Variants in TASOR observed in about 807,000 individuals in gnomAD.
TASOR encodes the protein protein TASOR.
A neutral mutation model predicts 178.6 loss-of-function variants in TASOR; 53 were observed. The ratio of observed to expected loss-of-function variants is 0.30; its 90% CI spans 0.24 to 0.37. The LOEUF (loss-of-function observed/expected upper bound fraction) is 0.37, where lower values mean the gene tolerates loss of function less well. TASOR is among the 10% of genes least tolerant of loss of function. The pLI is 1.00. For missense variants in TASOR, 1,815 were observed against 1,971.4 expected, an observed-to-expected ratio of 0.92 and a Z score of 1.50; for synonymous variants, 713 against 696.2, an observed-to-expected ratio of 1.02 and a Z score of -0.38.
chr3:56,670,517 A>T (rs2030568916), intron 3 of TASOR, among the ~76,000 whole-genome samples: 1 of 151,952 alleles, frequency 6.6e-6, no homozygotes, highest in Non-Finnish European at 1.5e-5. Context: ...CTTTTCAATC[A>T]TTTTTCTTCA....
In TASOR at chr3:56,627,679, C is replaced by T; in HGVS notation, c.3933G>A (p.Leu1311=). 1.9e-6 allele frequency: 3 copies of T among 1,614,058 alleles called. No individual in the cohort carries two copies. The highest frequency in any genetic ancestry group is 2.5e-6 in the Non-Finnish European group (3 of 1,179,976). The change falls in exon 20 of 24, where the codon CTG becomes CTA. Residue 1311 remains leucine, a synonymous_variant. Transcript: ENST00000683822. ...PCVSFAGVDS[L]DDVKNHTYNE... is the part of the protein sequence containing the mutation. ...TGTATGTATGATTTTTAACATCATC[C>T]AGGCTATCAACACCAGCAAAACTAA... is the stretch of plus-strand genomic sequence containing the variant.
In TASOR at chr3:56,624,499, T is replaced by C. The variant is rs1043835546; in HGVS notation, c.4463A>G (p.Glu1488Gly). Residue 1488 changes from glutamate (E) to glycine (G), a missense_variant, in exon 23 of 24, where the codon GAG (glutamate) becomes GGG (glycine). Glu to Gly is a moderately conservative substitution (Grantham distance 98). Transcript: ENST00000683822. Reference sequence around the variant, plus strand: ...GTTACCTGACTGCGACTCAAGATTCTCATTAGCACCAAGCTGTGGAAGGTT... The same window carrying C: ...GTTACCTGACTGCGACTCAAGATTCCCATTAGCACCAAGCTGTGGAAGGTT... ...EENLPQLGAN[E>G]NLESQSALLE... 3.1e-6 allele frequency: 5 copies of C among 1,612,600 alleles called. No homozygotes were observed. Among genetic ancestry groups the C allele is most frequent in the Middle Eastern group, 3.3e-4 (2 of 6,056 alleles).
Position 56,660,919 on chromosome 3 carries a change from T to A in TASOR, c.1259A>T (p.Asn420Ile), listed in dbSNP as rs199931496. 1 of 1,611,324 alleles carries A rather than the reference T, an allele frequency of 6.2e-7. No individual in the cohort carries two copies. The highest frequency in any genetic ancestry group is 2.2e-5 in the East Asian group (1 of 44,792). Residue 420 changes from asparagine to isoleucine, a missense_variant, in exon 10 of 24, where the codon AAT becomes ATT. By Grantham distance (149) the Asn-to-Ile change is moderately radical (BLOSUM62 -3). This residue lies in a region of TASOR where 504 missense variants were observed against 645.3 expected (regional missense o/e 0.78). Transcript: ENST00000683822. ...ATAAAATTAAATTACCTTACCTTCA[T>A]TTGGACCTAAGTATGTTTCCTTATA... ...LFYKETYLGPNEVLKNGMYCS... is the reference protein window; with the variant it reads ...LFYKETYLGPIEVLKNGMYCS...
chr3:56,630,395 C>T (rs1268278955), intron 18 of TASOR, among the ~76,000 whole-genome samples: 1 of 152,184 alleles, frequency 6.6e-6, no homozygotes, highest in Admixed American at 6.5e-5. Context: ...CCAATGGATA[C>T]TGATTAAAAG....
intron 14 of TASOR, 97 bp from the exon 15 acceptor site, chr3:56,641,849 TG>T (rs2077131744): frequency 7.7e-7 from 1 of 1,293,792 alleles, no homozygotes; most frequent in Admixed American, 2.6e-5. Flanking sequence ...AAAGCATTTA[TG>T]GTCAGGAACT....
rs369105420 is a variant in TASOR at position 56,671,628 on chromosome 3, T to C, written c.542A>G (p.Tyr181Cys). 1.3e-6 allele frequency: 2 copies of C among 1,549,626 alleles called. No homozygotes were observed. The highest frequency in any genetic ancestry group is 2.5e-5 in the East Asian group (1 of 40,816). Residue 181 changes from tyrosine to cysteine, a missense_variant, in exon 3 of 24, where the codon TAT (tyrosine) becomes TGT (cysteine). This residue lies in a region of TASOR where 504 missense variants were observed against 645.3 expected (regional missense o/e 0.78). Coordinates refer to ENST00000683822, the MANE Select transcript of TASOR (RefSeq NM_001365635.2). ...GRLDKELSES[Y>C]AFLMVDRYQV... The stretch of plus-strand genomic sequence containing the variant: ...GTATCGATCAACCATCAGAAATGCA[T>C]AGGATTCTGAAAGTTCCTTATCTAA...
At chr3:56,664,510 A>C (rs2077666593) in intron 7 of TASOR, among the ~76,000 whole-genome samples, 1 of 152,220 alleles carries the variant, frequency 6.6e-6, no homozygotes, top group Admixed American at 6.5e-5. Flanking sequence ...ATGGTTTCCA[A>C]GGATTATTCA....
At chr3:56,653,823 T>A in intron 11 of TASOR, among the ~76,000 whole-genome samples, 1 of 151,920 alleles carries the variant, frequency 6.6e-6, no homozygotes, top group East Asian at 1.9e-4. Flanking sequence ...TAAAAAAAAA[T>A]TGGAAACTAA....
At chr3:56,625,707 C>CA (rs1262814847) in intron 21 of TASOR, among the ~76,000 whole-genome samples, 1 of 150,486 alleles carries the variant, frequency 6.6e-6, no homozygotes, top group East Asian at 1.9e-4. Flanking sequence ...TTTTTTGAGA[C>CA]AGAGTCTCAC....
chr3:56,622,907 A>ACAGGCCAT lies in TASOR; in HGVS notation c.*122_*129dup, dbSNP rs1212249539. 6 of 530,710 alleles carry ACAGGCCAT rather than the reference A, an allele frequency of 1.1e-5. No individual in the cohort carries two copies. The highest frequency in any genetic ancestry group is 1.6e-5 in the Non-Finnish European group (5 of 309,366). The allele number at this position is 530,710 out of a possible 1,614,324, so 32.9% of individuals were successfully genotyped here. A position where few individuals can be genotyped will look rare whatever the true frequency, so the allele number is the denominator to read the frequency against. ...TCAATTTTTAGATGCTTCAACTGTT[A>ACAGGCCAT]CAGGCCATCATGATTTAAATAAAAG... On this transcript the variant is annotated 3_prime_UTR_variant, in exon 24 of 24. Coordinates refer to ENST00000683822, the MANE Select transcript of TASOR (RefSeq NM_001365635.2).
chr3:56,624,397 GTCATT>G, intron 23 of TASOR, 77 bp downstream of exon 23: 2 of 1,447,442 alleles, frequency 1.4e-6, no homozygotes, highest in Non-Finnish European at 1.9e-6. Context: ...TTTCAAAATG[GTCATT>G]TCATTATTTG....
At chr3:56,673,780 A>C (rs1258046219) in intron 1 of TASOR, 55 bp from the exon 2 acceptor site, 4 of 1,408,338 alleles carry the variant, frequency 2.8e-6, no homozygotes. Flanking sequence ...TCTTAAATAT[A>C]GCTTTTTATA....
intron 17 of TASOR, 71 bp from the exon 18 acceptor site, chr3:56,634,037 T>C (rs978917859): frequency 5.3e-5 from 68 of 1,282,400 alleles, no homozygotes; most frequent in Middle Eastern, 2.0e-4. Flanking sequence ...AACCCTTAAA[T>C]TGGGGGAAAA....
intron 20 of TASOR, 41 bp downstream of exon 20, chr3:56,627,541 G>T: frequency 6.2e-7 from 1 of 1,601,584 alleles, no homozygotes; most frequent in East Asian, 2.2e-5. Flanking sequence ...AAGTATGAGA[G>T]TCAGAAGAGG....
intron 11 of TASOR, among the ~76,000 whole-genome samples, chr3:56,652,108 TA>T (rs954141769): frequency 2.6e-5 from 4 of 152,130 alleles, no homozygotes; most frequent in African/African-American, 9.7e-5. Context: ...TCTATTTATA[TA>T]AAATGTTCAG....
At position 56,656,877 on chromosome 3, in the gene TASOR, G is replaced by C. The variant is rs560591160; in HGVS notation, c.1368+3854C>G. On this transcript the variant is annotated intron_variant, in intron 11 of 23. Coordinates refer to ENST00000683822, the MANE Select transcript of TASOR (RefSeq NM_001365635.2). ...AATACACAATTAACCAGGCATGGTGGAGCATGCCTGTAATCCCAGCTACTC... is the reference window on the plus strand; with the variant it reads ...AATACACAATTAACCAGGCATGGTGCAGCATGCCTGTAATCCCAGCTACTC... Among the ~76,000 whole-genome samples, 14 of 151,270 alleles carry C rather than the reference G, an allele frequency of 9.3e-5. No homozygotes were observed. The East Asian group carries it at 2.8e-3, about 30-fold the overall frequency.
At position 56,646,561 on chromosome 3, in the gene TASOR, T is replaced by G; in HGVS notation, c.2176A>C (p.Lys726Gln). ...CAATTTTCAGATAAATTACTGGTTT[T>G]GGCGAGCTTTCTCATATTTTCAGGT... ...DLPENMRKLA[K>Q]TSNLSENCHL... Residue 726 changes from lysine (K) to glutamine (Q), a missense_variant, in exon 14 of 24, where the codon AAA (lysine) becomes CAA (glutamine). Lys to Gln is a moderately conservative substitution (Grantham distance 53, BLOSUM62 1). Around this residue, in one of 5 missense-constraint regions of TASOR, gnomAD observed 655 missense variants for 671.1 expected, o/e 0.98. Coordinates refer to ENST00000683822, the MANE Select transcript of TASOR (RefSeq NM_001365635.2). The G allele has an allele frequency of 6.2e-7, 1 of 1,608,578 alleles. No homozygotes were observed. The highest frequency in any genetic ancestry group is 8.5e-7 in the Non-Finnish European group (1 of 1,178,804).
chr3:56,654,302 A>C lies in TASOR; in HGVS notation c.1369-5245T>G, dbSNP rs572735327. 1.4e-3 allele frequency among the ~76,000 whole-genome samples: 208 copies of C among 147,174 alleles called. 1 individual carries two copies. The highest frequency in any genetic ancestry group is 2.4e-3 in the South Asian group (11 of 4,592). ...AGGCAGAGATGGTATAAGAAAGGAA[A>C]ATTTCAGGTCAATCTCATTCATCAT... is the stretch of plus-strand genomic sequence containing the variant. On this transcript the variant is annotated intron_variant, in intron 11 of 23. Transcript: ENST00000683822.
chr3:56,638,677 GGGAA>G, intron 17 of TASOR, 25 bp downstream of exon 17: 1 of 1,612,800 alleles, frequency 6.2e-7, no homozygotes, highest in Non-Finnish European at 8.5e-7. Context: ...AGGGCACACT[GGGAA>G]GAAAAGCAAA....
Sources: gnomAD v4.1 joint callset for allele counts (sites outside exome capture counted in the v4.1 genomes callset) on GRCh38, gnomAD v4.1.1 for gene constraint, gnomAD v4.1.1 regional missense constraint, MANE v1.5 for transcripts, NCBI Gene and HGNC (gene_info 2026-07-23, HGNC 2026-07-21) for gene names.